PPHLN1: variants seen among roughly 807,000 people sequenced by gnomAD.
The protein encoded by PPHLN1 is periphilin 1.
PPHLN1 carries 29 observed loss-of-function variants against 51.3 expected under a neutral mutation model. The observed-to-expected ratio is 0.57, with a 90% CI of 0.42 to 0.77. The LOEUF (loss-of-function observed/expected upper bound fraction) is 0.77, where lower values mean the gene tolerates loss of function less well. PPHLN1 is among the 30% of genes least tolerant of loss of function. PPHLN1 has a pLI of 0.00. For synonymous variants in PPHLN1, 147 were observed against 147.8 expected (o/e 0.99, Z 0.04); for missense variants, 436 against 438.4 (o/e 0.99, Z 0.05).
intron 7 of PPHLN1, among the ~76,000 whole-genome samples, chr12:42,388,277 T>C (rs2077367530): frequency 6.6e-6 from 1 of 152,210 alleles, no homozygotes; most frequent in Non-Finnish European, 1.5e-5. Context: ...AGTTCTGAGA[T>C]AGGAGAAAAA....
At chr12:42,372,880 A>G (rs2075930981) in intron 4 of PPHLN1, among the ~76,000 whole-genome samples, 1 of 152,180 alleles carries the variant, frequency 6.6e-6, no homozygotes, top group Non-Finnish European at 1.5e-5. Context: ...TTAATCTATC[A>G]TGCCAGAATT....
intron 2 of PPHLN1, among the ~76,000 whole-genome samples, chr12:42,336,607 G>T (rs1191929465): frequency 1.3e-5 from 2 of 152,196 alleles, no homozygotes; most frequent in East Asian, 3.8e-4. Flanking sequence ...TAAGCCCAAA[G>T]AACTTACTGT....
chr12:42,376,499 A>G (rs565114389), intron 5 of PPHLN1, among the ~76,000 whole-genome samples: 1 of 152,342 alleles, frequency 6.6e-6, no homozygotes, highest in Admixed American at 6.5e-5. Context: ...ATTTAAAACA[A>G]ACACAGGCTG....
Position 42,441,293 on chromosome 12 carries a change from C to T in PPHLN1, c.910-22C>T. 7 of 1,581,098 alleles carry T rather than the reference C, an allele frequency of 4.4e-6. 1 individual carries two copies. The South Asian group carries it at 4.7e-5, about 11-fold the overall frequency. On this transcript the variant is annotated intron_variant, in intron 9 of 9. Transcript: ENST00000358314. ...CTAGTTATTTTCATTCTCAGCTAAC[C>T]AGAATGTGTTTTACCTTTTAGGTTT... is the stretch of plus-strand genomic sequence containing the variant.
intron 9 of PPHLN1, among the ~76,000 whole-genome samples, chr12:42,401,651 C>G (rs1181105725): frequency 6.6e-6 from 1 of 152,066 alleles, no homozygotes; most frequent in African/African-American, 2.4e-5. Context: ...TGTGTGCCCT[C>G]TCACTCCTTC....
intron 9 of PPHLN1, among the ~76,000 whole-genome samples, chr12:42,427,588 T>A (rs2081612121): frequency 1.3e-5 from 2 of 152,218 alleles, no homozygotes; most frequent in Admixed American, 1.3e-4. Context: ...ATCTCCCACC[T>A]TATACAAAAA....
At chr12:42,435,020 T>C (rs2082358512) in intron 9 of PPHLN1, among the ~76,000 whole-genome samples, 1 of 152,220 alleles carries the variant, frequency 6.6e-6, no homozygotes, top group Non-Finnish European at 1.5e-5. Flanking sequence ...TTAAATTTTG[T>C]GGAATCTGGT....
chr12:42,368,730 G>A (rs1175226991), intron 4 of PPHLN1, among the ~76,000 whole-genome samples: 1 of 152,102 alleles, frequency 6.6e-6, no homozygotes, highest in Non-Finnish European at 1.5e-5. Flanking sequence ...TTTTAAGAAA[G>A]GCTTTTTGTC....
At chr12:42,403,265 A>G (rs766927281) in intron 9 of PPHLN1, among the ~76,000 whole-genome samples, 5 of 152,206 alleles carry the variant, frequency 3.3e-5, no homozygotes, top group Non-Finnish European at 5.9e-5. Flanking sequence ...TGTATTTAAC[A>G]ATCCATTATT....
intron 9 of PPHLN1, among the ~76,000 whole-genome samples, chr12:42,425,246 ATTTTTTTTT>A (rs34484756): frequency 2.4e-5 from 3 of 124,828 alleles, no homozygotes; most frequent in South Asian, 2.6e-4. Context: ...TGCCTGGCTA[ATTTTTTTTT>A]TTTTTTTTTT....
chr12:42,370,364 C>T (rs2075691307), intron 4 of PPHLN1, among the ~76,000 whole-genome samples: 1 of 152,228 alleles, frequency 6.6e-6, no homozygotes, highest in African/African-American at 2.4e-5. Flanking sequence ...GTAAAACTTT[C>T]TAATTTGCAT....
chr12:42,447,225 T>A (rs2083361654), downstream of PPHLN1: 1 of 152,264 alleles, frequency 6.6e-6, no homozygotes, highest in Non-Finnish European at 1.5e-5. Context: ...TAGTGGAATT[T>A]TATTTTTTAA....
chr12:42,327,356 G>C (rs2068957575), intron 1 of PPHLN1, among the ~76,000 whole-genome samples: 1 of 152,068 alleles, frequency 6.6e-6, no homozygotes, highest in African/African-American at 2.4e-5. Context: ...AGATTTTCCT[G>C]CCAGCCATTT....
In PPHLN1 at chr12:42,442,040, C is replaced by T. The variant is rs897834740; in HGVS notation, c.*531C>T. On this transcript the variant is annotated 3_prime_UTR_variant, in exon 10 of 10. Coordinates refer to ENST00000358314, the MANE Select transcript of PPHLN1 (RefSeq NM_201439.2). ...CTGAGAGATACCTCAGAAAAAAATC[C>T]GTTTTTCCAAGTAATGAACTCAGTG... The T allele has an allele frequency of 1.2e-5, 11 of 902,150 alleles. No individual in the cohort carries two copies. Among genetic ancestry groups the T allele is most frequent in the Admixed American group, 6.2e-5 (1 of 16,140 alleles). 55.9% of individuals were successfully genotyped at this position (902,150 alleles called of 1,614,324 possible). A position where few individuals can be genotyped will look rare whatever the true frequency, so the allele number is the denominator to read the frequency against.
chr12:42,375,275 C>A, intron 5 of PPHLN1: 1 of 352,882 alleles, frequency 2.8e-6, no homozygotes, highest in East Asian at 4.7e-5. Context: ...AAGTGGCATT[C>A]TGCATGACAC....
chr12:42,360,900 T>A (rs905661567), intron 4 of PPHLN1, among the ~76,000 whole-genome samples: 1 of 152,228 alleles, frequency 6.6e-6, no homozygotes, highest in African/African-American at 2.4e-5. Flanking sequence ...TTCTTTACTG[T>A]TAAGTTGTCC....
intron 9 of PPHLN1, among the ~76,000 whole-genome samples, chr12:42,437,997 G>A (rs180864110): frequency 6.6e-6 from 1 of 152,116 alleles, no homozygotes; most frequent in Admixed American, 6.5e-5. Context: ...GTGTCATTTT[G>A]TGGCTTGATA....
chr12:42,346,681 A>C (rs915950986), intron 2 of PPHLN1, among the ~76,000 whole-genome samples: 1 of 152,138 alleles, frequency 6.6e-6, no homozygotes, highest in African/African-American at 2.4e-5. Context: ...TGTTTTCCAT[A>C]ATGGCTGTAC....
chr12:42,387,202 T>C (rs902413547), intron 6 of PPHLN1: 3 of 268,332 alleles, frequency 1.1e-5, no homozygotes, highest in African/African-American at 6.6e-5. Flanking sequence ...TGTGGCTCCA[T>C]GTTTACTTAC....
Sources: gnomAD v4.1 joint callset for allele counts (sites outside exome capture counted in the v4.1 genomes callset) on GRCh38, gnomAD v4.1.1 for gene constraint, MANE v1.5 for transcripts, NCBI Gene and HGNC (gene_info 2026-07-23, HGNC 2026-07-21) for gene names.